Variants in TRPM3 observed in about 807,000 individuals in gnomAD.
TRPM3 encodes the protein long transient receptor potential channel 3.
TRPM3 carries 77 observed loss-of-function variants against 181.2 expected under a neutral mutation model. That is an observed-to-expected ratio of 0.42 (90% CI 0.35 to 0.51). The LOEUF is 0.51. Among genes scored for constraint, TRPM3 ranks in the 20% least tolerant of loss-of-function variants. The pLI is 0.01. For missense variants in TRPM3, 1,759 were observed against 2,196.7 expected, an observed-to-expected ratio of 0.80 and a Z score of 3.98; for synonymous variants, 745 against 796.4, an observed-to-expected ratio of 0.94 and a Z score of 1.09.
At chr9:70,942,112 C>A (rs758763570) in intron 1 of TRPM3, among the ~76,000 whole-genome samples, 35 of 152,258 alleles carry the variant, frequency 2.3e-4, no homozygotes, top group South Asian at 6.2e-4. Context: ...CAAGAACTTG[C>A]AGGAACAATT....
chr9:70,974,200 A>C (rs935308962), intron 1 of TRPM3, among the ~76,000 whole-genome samples: 2 of 152,110 alleles, frequency 1.3e-5, no homozygotes, highest in African/African-American at 2.4e-5. Context: ...TTCCAGATAT[A>C]AATGAGAAAG....
intron 1 of TRPM3, among the ~76,000 whole-genome samples, chr9:71,007,079 C>CAAA (rs2097686825): frequency 1.3e-5 from 1 of 75,198 alleles, no homozygotes; most frequent in Non-Finnish European, 2.8e-5. Flanking sequence ...AAAAAAAAGA[C>CAAA]TAAGTCAGGA....
intron 8 of TRPM3, among the ~76,000 whole-genome samples, chr9:70,738,667 A>G (rs2073314942): frequency 6.6e-6 from 1 of 152,168 alleles, no homozygotes; most frequent in East Asian, 1.9e-4. Context: ...GAAACAAACA[A>G]AATATGAAAG....
At chr9:71,089,086 C>T (rs1482201833) in intron 1 of TRPM3, among the ~76,000 whole-genome samples, 1 of 146,926 alleles carries the variant, frequency 6.8e-6, no homozygotes, top group East Asian at 2.0e-4. Flanking sequence ...CACATATATG[C>T]ACCATATATA....
chr9:70,671,995 C>A (rs1035498859), intron 9 of TRPM3, among the ~76,000 whole-genome samples: 8 of 151,036 alleles, frequency 5.3e-5, no homozygotes, highest in African/African-American at 2.0e-4. Context: ...GTCTTGAACT[C>A]CTGACCTCAA....
At chr9:71,272,237 T>C (rs2083859634) in intron 1 of TRPM3, among the ~76,000 whole-genome samples, 1 of 152,204 alleles carries the variant, frequency 6.6e-6, no homozygotes, top group South Asian at 2.1e-4. Context: ...GAAAATAGAA[T>C]TGGTATTGAG....
chr9:71,099,858 TCCTTTACCCAAAG>T (rs2068009570), intron 1 of TRPM3, among the ~76,000 whole-genome samples: 2 of 152,160 alleles, frequency 1.3e-5, no homozygotes, highest in Admixed American at 1.3e-4. Context: ...AGAGAGTAAA[TCCTTTACCCAAAG>T]TCAGCAGTTA....
At chr9:71,229,468 A>G (rs1175041198) in intron 1 of TRPM3, among the ~76,000 whole-genome samples, 1 of 152,102 alleles carries the variant, frequency 6.6e-6, no homozygotes, top group Non-Finnish European at 1.5e-5. Flanking sequence ...TCTGAATCAC[A>G]TCAAGTTAAA....
At chr9:71,418,461 CA>C (rs112375063) in intron 1 of TRPM3, among the ~76,000 whole-genome samples, 11 of 151,866 alleles carry the variant, frequency 7.2e-5, no homozygotes, top group African/African-American at 2.4e-4. Flanking sequence ...GTTCACATTC[CA>C]AAAGGGAGCC....
chr9:70,693,315 G>T (rs897953102), intron 8 of TRPM3, among the ~76,000 whole-genome samples: 4 of 152,118 alleles, frequency 2.6e-5, no homozygotes, highest in Non-Finnish European at 4.4e-5. Context: ...GCCTTGGCTA[G>T]CAGAATTCAG....
intron 1 of TRPM3, among the ~76,000 whole-genome samples, chr9:70,952,813 C>G (rs554649833): frequency 6.6e-6 from 1 of 151,920 alleles, no homozygotes; most frequent in Non-Finnish European, 1.5e-5. Context: ...TAATAATGCA[C>G]GTGAAATATT....
At chr9:70,690,881 T>C (rs181886294) in intron 8 of TRPM3, among the ~76,000 whole-genome samples, 31 of 152,312 alleles carry the variant, frequency 2.0e-4, no homozygotes, top group Non-Finnish European at 3.2e-4. Flanking sequence ...ACTTGATGAA[T>C]AGAATACTAT....
At chr9:71,140,576 C>T (rs577588158) in intron 1 of TRPM3, among the ~76,000 whole-genome samples, 110 of 152,242 alleles carry the variant, frequency 7.2e-4, no homozygotes, top group African/African-American at 2.6e-3. Flanking sequence ...TTTTACGTTA[C>T]AGTATCTTTA....
chr9:70,545,908 G>A (rs529677590), intron 25 of TRPM3, among the ~76,000 whole-genome samples: 59 of 152,290 alleles, frequency 3.9e-4, no homozygotes, highest in African/African-American at 1.4e-3. Context: ...AGCATAGGCA[G>A]TTTCTTCTCT....
chr9:70,800,289 T>C (rs1196240113), intron 6 of TRPM3, among the ~76,000 whole-genome samples: 1 of 152,226 alleles, frequency 6.6e-6, no homozygotes. Context: ...ACTGGGCCAG[T>C]TGAATGTAGA....
chr9:71,090,263 T>C (rs1412900605), intron 1 of TRPM3, among the ~76,000 whole-genome samples: 1 of 152,144 alleles, frequency 6.6e-6, no homozygotes, highest in African/African-American at 2.4e-5. Flanking sequence ...TGTAAAGTAG[T>C]GGAGAAGCAT....
chr9:70,625,188 C>T lies in TRPM3; in HGVS notation c.1809+3G>A, dbSNP rs1746529247. On this transcript the variant is annotated splice_donor_region_variant and intron_variant, in intron 14 of 25. Coordinates refer to ENST00000677713, the MANE Select transcript of TRPM3 (RefSeq NM_001366145.2). This position sits in a 1 kb window ranked among gnomAD's most constrained non-coding sequence, Gnocchi z 4.8. ...AGGGCCCCGAATTTGCAGCCAGCCTCACCCTCTTGGGGCCGAAGAGGTTGT... is the reference window on the plus strand; with the variant it reads ...AGGGCCCCGAATTTGCAGCCAGCCTTACCCTCTTGGGGCCGAAGAGGTTGT... 1.2e-6 allele frequency: 2 copies of T among 1,613,956 alleles called. No homozygotes were observed. The highest frequency in any genetic ancestry group is 1.7e-6 in the Non-Finnish European group (2 of 1,179,996).
chr9:71,069,800 T>A (rs1322760562), intron 1 of TRPM3, among the ~76,000 whole-genome samples: 3 of 151,100 alleles, frequency 2.0e-5, no homozygotes, highest in Admixed American at 2.0e-4. Flanking sequence ...TAGAGATGGG[T>A]TTTTGCCATG....
chr9:71,138,148 G>T (rs989015073), intron 1 of TRPM3, among the ~76,000 whole-genome samples: 1 of 151,982 alleles, frequency 6.6e-6, no homozygotes, highest in Non-Finnish European at 1.5e-5. Context: ...AGACGATGCT[G>T]CCTTGGGGGA....
Sources: gnomAD v4.1 joint callset for allele counts (sites outside exome capture counted in the v4.1 genomes callset) on GRCh38, gnomAD v4.1.1 for gene constraint, Gnocchi (gnomAD v3.1) non-coding constraint, MANE v1.5 for transcripts, NCBI Gene and HGNC (gene_info 2026-07-23, HGNC 2026-07-21) for gene names.